The following IL2RB variants were observed in gnomAD, a reference collection of about 807,000 sequenced individuals.
IL2RB encodes interleukin 2 receptor subunit beta, also known as interleukin-2 receptor subunit beta.
IL2RB carries 17 observed loss-of-function variants against 44.2 expected under a neutral mutation model. The ratio of observed to expected loss-of-function variants is 0.38; its 90% CI spans 0.26 to 0.58. The LOEUF (loss-of-function observed/expected upper bound fraction) is 0.58, where lower values mean the gene tolerates loss of function less well. Among genes scored for constraint, IL2RB ranks in the 20% least tolerant of loss-of-function variants. The probability of loss-of-function intolerance (pLI) is 0.63; values close to 1 mark genes in which losing one functional copy is unlikely to be tolerated. For missense variants in IL2RB, 624 were observed against 685.5 expected, an observed-to-expected ratio of 0.91 and a Z score of 1.00; for synonymous variants, 286 against 297.9, an observed-to-expected ratio of 0.96 and a Z score of 0.41.
At chr22:37,162,981 C>T (rs1401989589) in intron 1 of IL2RB, among the ~76,000 whole-genome samples, 4 of 152,212 alleles carry the variant, frequency 2.6e-5, no homozygotes, top group Non-Finnish European at 4.4e-5. Flanking sequence ...GTCCCCAGGC[C>T]AGAGGCTTCT....
At chr22:37,165,451 G>A (rs1018774742) in intron 1 of IL2RB, among the ~76,000 whole-genome samples, 1 of 152,194 alleles carries the variant, frequency 6.6e-6, no homozygotes, top group Admixed American at 6.5e-5. Flanking sequence ...TGGAGCGTTT[G>A]TCAAGCGTCT....
At chr22:37,161,203 CTT>C (rs1922855961) in intron 1 of IL2RB, among the ~76,000 whole-genome samples, 1 of 152,156 alleles carries the variant, frequency 6.6e-6, no homozygotes, top group African/African-American at 2.4e-5. Flanking sequence ...TTAATTCTAA[CTT>C]AAACATGCAA....
chr22:37,127,696 A>C lies in IL2RB; in HGVS notation c.*400T>G. On this transcript the variant is annotated 3_prime_UTR_variant, in exon 10 of 10. Coordinates refer to ENST00000216223, the MANE Select transcript of IL2RB (RefSeq NM_000878.5). ...GCCCTGTGGACGGGGAGGGGAGGGA[A>C]GGAGGAGGCTGGGGCAGAAAACCCA... 1.1e-4 allele frequency: 18 copies of C among 159,232 alleles called. No homozygotes were observed. Among genetic ancestry groups the C allele is most frequent in the Non-Finnish European group, 1.5e-4 (11 of 72,892 alleles). 9.9% of individuals were successfully genotyped at this position (159,232 alleles called of 1,614,324 possible). A position where few individuals can be genotyped will look rare whatever the true frequency, so the allele number is the denominator to read the frequency against.
At position 37,136,528 on chromosome 22, in the gene IL2RB, C is replaced by T. The variant is rs1325818748; in HGVS notation, c.538-135G>A. 1.4e-5 allele frequency: 13 copies of T among 958,390 alleles called. No homozygotes were observed. The East Asian group carries it at 2.4e-4, about 18-fold the overall frequency. 59.4% of individuals were successfully genotyped at this position (958,390 alleles called of 1,614,324 possible). Reference sequence around the variant, plus strand: ...CTTGCCACCCAAAGCTCCCTCACTACCCAGTTGCTGGGGCCTCAAACCCCA... The same window carrying T: ...CTTGCCACCCAAAGCTCCCTCACTATCCAGTTGCTGGGGCCTCAAACCCCA... On this transcript the variant is annotated intron_variant, in intron 6 of 9. Coordinates refer to ENST00000216223, the MANE Select transcript of IL2RB (RefSeq NM_000878.5).
intron 1 of IL2RB, among the ~76,000 whole-genome samples, chr22:37,149,131 A>C (rs1922366125): frequency 6.6e-6 from 1 of 152,096 alleles, no homozygotes; most frequent in Non-Finnish European, 1.5e-5. Flanking sequence ...TAAGAGTGGG[A>C]GGCTTCGGCC....
Position 37,128,603 on chromosome 22 carries a change from A to T in IL2RB, c.1149T>A (p.Thr383=). The T allele has an allele frequency of 6.2e-7, 1 of 1,614,096 alleles. No homozygotes were observed. The highest frequency in any genetic ancestry group is 1.7e-4 in the Middle Eastern group (1 of 6,060). The change falls in exon 10 of 10, where the codon ACT becomes ACA. Residue 383 remains threonine, a synonymous_variant. Transcript: ENST00000216223. The surrounding 1 kb of genome is among the most constrained non-coding windows in gnomAD (Gnocchi z 4.5). ...LEIEACQVYF[T]YDPYSEEDPD... Reference sequence around the variant, plus strand: ...GGTCTTCCTCTGAGTAGGGGTCGTAAGTAAAGTACACCTGGCAGGCCTCTA... The same window carrying T: ...GGTCTTCCTCTGAGTAGGGGTCGTATGTAAAGTACACCTGGCAGGCCTCTA...
intron 1 of IL2RB, among the ~76,000 whole-genome samples, chr22:37,164,666 A>C (rs547567807): frequency 8.0e-4 from 122 of 152,142 alleles, no homozygotes; most frequent in African/African-American, 2.7e-3. Context: ...TCAGGCCCAG[A>C]ATGCAGACCA....
intron 3 of IL2RB, 52 bp downstream of exon 3, chr22:37,143,469 G>C: frequency 3.2e-6 from 4 of 1,238,320 alleles, no homozygotes; most frequent in Non-Finnish European, 4.8e-6. Flanking sequence ...ATAGGATCCA[G>C]AATATGAGAT....
At chr22:37,146,525 T>G (rs928866967) in intron 1 of IL2RB, among the ~76,000 whole-genome samples, 3 of 152,170 alleles carry the variant, frequency 2.0e-5, no homozygotes, top group Non-Finnish European at 4.4e-5. Flanking sequence ...CCCAAGTCTA[T>G]CCTTTCCCTG....
chr22:37,145,843 G>A (rs560654170), intron 1 of IL2RB, among the ~76,000 whole-genome samples: 14 of 151,952 alleles, frequency 9.2e-5, no homozygotes, highest in Admixed American at 5.9e-4. Context: ...CATTTCCCCC[G>A]CTGTTCCCCC....
intron 1 of IL2RB, among the ~76,000 whole-genome samples, chr22:37,168,403 C>G (rs1170452980): frequency 6.6e-6 from 1 of 152,148 alleles, no homozygotes; most frequent in Non-Finnish European, 1.5e-5. Flanking sequence ...AGGGGAGGCT[C>G]CAGAGGATGT....
rs112706400 is a variant in IL2RB, at chr22:37,144,349, C to T, written c.-33-144G>A. 332 of 971,158 alleles carry T rather than the reference C, an allele frequency of 3.4e-4. 2 individuals are homozygous for T. In the African/African-American group the frequency reaches 4.4e-3, roughly 13 times the overall value. 60.2% of individuals were successfully genotyped at this position (971,158 alleles called of 1,614,324 possible). On this transcript the variant is annotated intron_variant, in intron 1 of 9. Coordinates refer to ENST00000216223, the MANE Select transcript of IL2RB (RefSeq NM_000878.5). ...TCAGTCCAGCCCCAGGGCCTTTGCA[C>T]CTGCTAATCCCACCACCCTACACAT... is the stretch of plus-strand genomic sequence containing the variant.
At chr22:37,154,114 C>T (rs1024412100), upstream of IL2RB, among the ~76,000 whole-genome samples, 1 of 152,214 alleles carries the variant, frequency 6.6e-6, no homozygotes, top group African/African-American at 2.4e-5. Context: ...GGCCACTCTC[C>T]ACCCTCGTGC....
chr22:37,136,496 C>A, intron 6 of IL2RB, 103 bp from the exon 7 acceptor site: 2 of 1,301,918 alleles, frequency 1.5e-6, no homozygotes, highest in South Asian at 1.4e-5. Flanking sequence ...AGCTGCACCC[C>A]CACTTCCTTG....
rs377098842 is a variant in IL2RB at position 37,136,182 on chromosome 22, C to T, written c.703+46G>A. 2.1e-5 allele frequency: 33 copies of T among 1,568,194 alleles called. No individual in the cohort carries two copies. The African/African-American group carries it at 3.2e-4, about 15-fold the overall frequency. ...AATGGAGCAGCTCCTCCTCCAGCCG[C>T]CCCCTCCTGCCTGAGCCCCCTCTCA... is the stretch of plus-strand genomic sequence containing the variant. On this transcript the variant is annotated intron_variant, in intron 7 of 9. Coordinates refer to ENST00000216223, the MANE Select transcript of IL2RB (RefSeq NM_000878.5).
intron 1 of IL2RB, among the ~76,000 whole-genome samples, chr22:37,156,560 C>T (rs536348402): frequency 6.6e-6 from 1 of 152,338 alleles, no homozygotes; most frequent in Admixed American, 6.5e-5. Flanking sequence ...CTCCACCCAT[C>T]ACCTCTGCGT....
chr22:37,158,845 T>C (rs1922765831), intron 1 of IL2RB, among the ~76,000 whole-genome samples: 1 of 152,174 alleles, frequency 6.6e-6, no homozygotes, highest in South Asian at 2.1e-4. Context: ...CCTGAAACTG[T>C]CCCTGAGTCA....
chr22:37,143,728 G>A, intron 2 of IL2RB, 93 bp from the exon 3 acceptor site: 1 of 879,212 alleles, frequency 1.1e-6, no homozygotes, highest in Non-Finnish European at 1.9e-6. Flanking sequence ...ACCCACACCT[G>A]CCAGAGGAGG....
intron 6 of IL2RB, among the ~76,000 whole-genome samples, chr22:37,136,783 C>A (rs1309204530): frequency 6.6e-6 from 1 of 152,194 alleles, no homozygotes; most frequent in Non-Finnish European, 1.5e-5. Context: ...CCGCACACCT[C>A]TCCCACCCTG....
Sources: allele counts gnomAD v4.1 joint callset (sites outside exome capture counted in the v4.1 genomes callset), GRCh38; gene constraint gnomAD v4.1.1; non-coding constraint Gnocchi (gnomAD v3.1); transcripts MANE v1.5; gene names NCBI Gene and HGNC (gene_info 2026-07-23, HGNC 2026-07-21).